Variants in PLA2R1 observed in about 807,000 individuals in gnomAD.
PLA2R1 encodes phospholipase A2 receptor 1.
In PLA2R1, 158 loss-of-function variants were observed where a neutral mutation model predicts 195.9. The observed-to-expected ratio is 0.81, with a 90% confidence interval of 0.71 to 0.92. The LOEUF is 0.92. PLA2R1 is among the 40% of genes least tolerant of loss of function. PLA2R1 has a pLI of 0.00. For synonymous variants in PLA2R1, 586 were observed against 598.2 expected, an observed-to-expected ratio of 0.98 and a Z score of 0.30; for missense variants, 1,626 against 1,764.6, an observed-to-expected ratio of 0.92 and a Z score of 1.41.
In PLA2R1 at chr2:160,005,676, T is replaced by G; in HGVS notation, c.1810A>C (p.Thr604Pro). The G allele has an allele frequency of 6.2e-7, 1 of 1,614,066 alleles. No homozygotes were observed. The highest frequency in any genetic ancestry group is 8.5e-7 in the Non-Finnish European group (1 of 1,179,960). ...VGQKPEPVQY[T>P]HWNTHQPRYS... ...CGCGGCTGGTGTGTGTTCCAGTGTG[T>G]GTACTGCACCGGCTCGGGTTTCTGC... is the stretch of plus-strand genomic sequence containing the variant. Residue 604 changes from threonine (T) to proline (P), a missense_variant, in exon 11 of 30, where the codon ACA becomes CCA. Thr to Pro is a conservative substitution (Grantham distance 38). Coordinates refer to ENST00000283243, the MANE Select transcript of PLA2R1 (RefSeq NM_007366.5).
intron 17 of PLA2R1, among the ~76,000 whole-genome samples, chr2:159,970,678 A>T (rs1257109164): frequency 6.6e-6 from 1 of 152,182 alleles, no homozygotes; most frequent in Admixed American, 6.6e-5. Context: ...GCTAAGCTTT[A>T]AGCAGTATAA....
downstream of PLA2R1, among the ~76,000 whole-genome samples, chr2:159,928,181 G>C (rs928252077): frequency 1.3e-5 from 2 of 152,192 alleles, no homozygotes; most frequent in African/African-American, 4.8e-5. Context: ...ACCTGCAAAA[G>C]CTGAGGTAGA....
intron 11 of PLA2R1, among the ~76,000 whole-genome samples, chr2:159,994,423 T>C (rs1158319085): frequency 6.6e-6 from 1 of 152,072 alleles, no homozygotes; most frequent in East Asian, 1.9e-4. Context: ...TCTTTGGATC[T>C]TGATTCAAAC....
chr2:159,977,875 A>T (rs1238475960), intron 14 of PLA2R1, among the ~76,000 whole-genome samples: 1 of 152,146 alleles, frequency 6.6e-6, no homozygotes, highest in Non-Finnish European at 1.5e-5. Flanking sequence ...GCTTGCAGTG[A>T]GCCGAAATCC....
downstream of PLA2R1, among the ~76,000 whole-genome samples, chr2:159,927,195 A>G (rs1686517184): frequency 6.6e-6 from 1 of 152,216 alleles, no homozygotes; most frequent in Non-Finnish European, 1.5e-5. Context: ...CATATTTGAT[A>G]TACATGTCAC....
chr2:160,033,172 T>C (rs776865290), intron 3 of PLA2R1, 40 bp from the exon 4 acceptor site: 3 of 1,484,836 alleles, frequency 2.0e-6, no homozygotes, highest in South Asian at 2.4e-5. Flanking sequence ...GGTCTTATTT[T>C]ATCTATACAG....
downstream of PLA2R1, among the ~76,000 whole-genome samples, chr2:159,927,633 T>C (rs1023071438): frequency 2.0e-5 from 3 of 152,194 alleles, no homozygotes; most frequent in Admixed American, 1.3e-4. Context: ...ACAGACCTAT[T>C]TGGGTTCCAG....
chr2:159,956,401 A>C, intron 21 of PLA2R1, 109 bp downstream of exon 21: 1 of 714,780 alleles, frequency 1.4e-6, no homozygotes, highest in Non-Finnish European at 2.6e-6. Flanking sequence ...TCAGCAACAC[A>C]GTATTTTAAA....
At chr2:159,971,289 T>C (rs1465656072) in intron 17 of PLA2R1, among the ~76,000 whole-genome samples, 2 of 152,218 alleles carry the variant, frequency 1.3e-5, no homozygotes, top group Admixed American at 1.3e-4. Context: ...TTAGTAATGT[T>C]GTAGTGTTCA....
chr2:160,045,273 C>A, intron 1 of PLA2R1, 116 bp from the exon 2 acceptor site: 2 of 775,292 alleles, frequency 2.6e-6, no homozygotes, highest in Non-Finnish European at 4.1e-6. Context: ...CCATTTCCCA[C>A]AGATCTGGAG....
intron 13 of PLA2R1, among the ~76,000 whole-genome samples, chr2:159,981,562 C>T (rs889165136): frequency 6.6e-6 from 1 of 152,074 alleles, no homozygotes; most frequent in South Asian, 2.1e-4. Flanking sequence ...TGTGCCACTA[C>T]ACCTGGCTAA....
chr2:159,924,737 G>GGGC, the PLA2R1 span, among the ~76,000 whole-genome samples: 9 of 149,480 alleles, frequency 6.0e-5, no homozygotes, highest in African/African-American at 2.2e-4. Flanking sequence ...GCTGGGGGGG[G>GGGC]GGCGGTGCGA....
intron 11 of PLA2R1, among the ~76,000 whole-genome samples, chr2:159,994,565 AAGG>A (rs1306925733): frequency 6.6e-5 from 10 of 152,132 alleles, no homozygotes; most frequent in Admixed American, 1.3e-4. Context: ...GTCTTTTAAA[AAGG>A]AGTCTTTATT....
intron 11 of PLA2R1, among the ~76,000 whole-genome samples, chr2:159,991,879 T>G (rs1480442057): frequency 1.1e-5 from 1 of 89,362 alleles, no homozygotes; most frequent in Non-Finnish European, 2.3e-5. Context: ...GACATTTGGG[T>G]TGGTTCCAAG....
chr2:159,931,577 A>G (rs1686588701), downstream of PLA2R1, among the ~76,000 whole-genome samples: 2 of 152,092 alleles, frequency 1.3e-5, no homozygotes, highest in African/African-American at 4.8e-5. Flanking sequence ...TTTTTGAGAC[A>G]GGGTCTCACT....
intron 28 of PLA2R1, among the ~76,000 whole-genome samples, chr2:159,942,940 T>A (rs1687167716): frequency 6.6e-6 from 1 of 151,530 alleles, no homozygotes; most frequent in Non-Finnish European, 1.5e-5. Flanking sequence ...CTGTTACTAA[T>A]AGCAAAACCA....
At chr2:159,954,717 T>C (rs956329377) in intron 23 of PLA2R1, among the ~76,000 whole-genome samples, 1 of 152,136 alleles carries the variant, frequency 6.6e-6, no homozygotes, top group Non-Finnish European at 1.5e-5. Context: ...CTATTTGTAA[T>C]AGTGTGGCTT....
At chr2:159,989,721 A>G (rs1257913158) in intron 11 of PLA2R1, among the ~76,000 whole-genome samples, 10 of 152,178 alleles carry the variant, frequency 6.6e-5, no homozygotes, top group South Asian at 2.1e-4. Flanking sequence ...TACCCCTGCA[A>G]TGTTGCTATT....
At chr2:159,981,216 C>CGT (rs3061613) in intron 13 of PLA2R1, among the ~76,000 whole-genome samples, 24,097 of 148,110 alleles carry the variant, frequency 0.16, 4,031 homozygotes, top group African/African-American at 0.43. Flanking sequence ...TATGTGCATA[C>CGT]GTGTGTGTGT....
Sources: allele counts gnomAD v4.1 joint callset (sites outside exome capture counted in the v4.1 genomes callset), GRCh38; gene constraint gnomAD v4.1.1; transcripts MANE v1.5; gene names NCBI Gene and HGNC (gene_info 2026-07-23, HGNC 2026-07-21).